The following RANBP2 variants were observed in gnomAD, a reference collection of about 807,000 sequenced individuals.
The protein encoded by RANBP2 is RAN binding protein 2.
In RANBP2, 57 loss-of-function variants were observed where a neutral mutation model predicts 303.6. The ratio of observed to expected loss-of-function variants is 0.19; its 90% confidence interval spans 0.15 to 0.23. The LOEUF (loss-of-function observed/expected upper bound fraction) is 0.23. Ranked by LOEUF, RANBP2 falls within the 10% of genes least tolerant of loss-of-function variation. The probability of loss-of-function intolerance (pLI) is 1.00; values close to 1 mark genes in which losing one functional copy is unlikely to be tolerated. For synonymous variants in RANBP2, 1,167 were observed against 1,301.5 expected, an observed-to-expected ratio of 0.90 and a Z score of 2.23; for missense variants, 3,138 against 3,780.8, an observed-to-expected ratio of 0.83 and a Z score of 4.46.
the RANBP2 span, chr2:108,798,301 A>G: frequency 3.3e-6 from 3 of 899,090 alleles, no homozygotes; most frequent in Non-Finnish European, 5.1e-6. Flanking sequence ...ACTGTAATCC[A>G]GATTGTCCTT....
At chr2:109,614,802 G>A in the RANBP2 span, 1 of 1,466,626 alleles carries the variant, frequency 6.8e-7, no homozygotes, top group Admixed American at 2.5e-5. Context: ...CGAGCCCGAG[G>A]CCCCCGACGG....
chr2:109,449,445 C>T, the RANBP2 span: 2 of 1,613,994 alleles, frequency 1.2e-6, no homozygotes, highest in Non-Finnish European at 1.7e-6. Context: ...CACATCCAGC[C>T]CCACCAACAC....
At chr2:109,007,037 G>C in the RANBP2 span, among the ~76,000 whole-genome samples, 1 of 152,188 alleles carries the variant, frequency 6.6e-6, no homozygotes, top group East Asian at 1.9e-4. Context: ...CAAAAATACA[G>C]AAGACTCTGT....
At chr2:109,544,290 G>A in the RANBP2 span, 15 of 1,610,132 alleles carry the variant, frequency 9.3e-6, 1 homozygote, top group South Asian at 1.6e-4. Flanking sequence ...ATGACCTTCT[G>A]TGCTCTGGAA....
the RANBP2 span, among the ~76,000 whole-genome samples, chr2:109,032,189 T>G: frequency 1.3e-5 from 2 of 152,150 alleles, no homozygotes; most frequent in African/African-American, 2.4e-5. Flanking sequence ...TCATAGATCT[T>G]TGGAGATTTC....
the RANBP2 span, among the ~76,000 whole-genome samples, chr2:109,066,914 G>C: frequency 6.6e-6 from 1 of 152,140 alleles, no homozygotes; most frequent in Non-Finnish European, 1.5e-5. Context: ...TGTCCAGGGT[G>C]CTCTGACAAC....
At chr2:109,551,998 C>T in the RANBP2 span, among the ~76,000 whole-genome samples, 22 of 152,316 alleles carry the variant, frequency 1.4e-4, no homozygotes, top group African/African-American at 5.1e-4. Flanking sequence ...CTGGGCTACA[C>T]AGTATAAGGT....
At chr2:109,012,024 A>G in the RANBP2 span, among the ~76,000 whole-genome samples, 9 of 151,878 alleles carry the variant, frequency 5.9e-5, no homozygotes, top group African/African-American at 2.2e-4. Context: ...CTGTTTTTCG[A>G]TTCGTCTGTT....
rs1410658120 is a variant in RANBP2, at chr2:108,751,956, G to A, written c.1717G>A (p.Ala573Thr). 1 of 1,611,900 alleles carries A rather than the reference G, an allele frequency of 6.2e-7. No individual in the cohort carries two copies. Among genetic ancestry groups the A allele is most frequent in the African/African-American group, 1.3e-5 (1 of 74,948 alleles). The stretch of plus-strand genomic sequence containing the variant: ...CCAGGAAAAACATGGCCTTCAACCT[G>A]CTCTGCTTGTACATTGGGCAGAATG... ...RAQEKHGLQP[A>T]LLVHWAECLQ... The change falls in exon 12 of 29, where the codon GCT (alanine) becomes ACT (threonine). Residue 573 changes from alanine to threonine, a missense_variant. Physicochemically the swap from Ala to Thr is moderately conservative, Grantham distance 58. Transcript: ENST00000283195.
At chr2:109,614,339 G>A in the RANBP2 span, 4 of 688,088 alleles carry the variant, frequency 5.8e-6, no homozygotes, top group Admixed American at 4.6e-5. Context: ...GGCCCAGTGA[G>A]GCGGTGGCCG....
the RANBP2 span, among the ~76,000 whole-genome samples, chr2:109,362,395 G>C: frequency 6.6e-6 from 1 of 152,150 alleles, no homozygotes; most frequent in African/African-American, 2.4e-5. Context: ...TATTATGGAT[G>C]TCTAATTTAA....
At chr2:109,431,968 C>T in the RANBP2 span, among the ~76,000 whole-genome samples, 3 of 152,164 alleles carry the variant, frequency 2.0e-5, no homozygotes, top group Non-Finnish European at 4.4e-5. Context: ...TTAAAAAGGG[C>T]CTCTGAGGTC....
chr2:109,143,762 CAAAACAAA>C, the RANBP2 span, among the ~76,000 whole-genome samples: 1 of 117,988 alleles, frequency 8.5e-6, no homozygotes, highest in Non-Finnish European at 2.1e-5. Context: ...TGAAACAAAA[CAAAACAAA>C]CAAACAAACA....
the RANBP2 span, among the ~76,000 whole-genome samples, chr2:109,037,188 G>A: frequency 4.0e-5 from 6 of 151,756 alleles, no homozygotes; most frequent in Non-Finnish European, 7.4e-5. Flanking sequence ...TAGCCAGAAA[G>A]GGTGGTGTGC....
the RANBP2 span, chr2:108,882,460 G>C: frequency 6.6e-6 from 1 of 152,288 alleles, no homozygotes; most frequent in Middle Eastern, 3.4e-3. Flanking sequence ...TTCTATGCTA[G>C]CAAAGGATTT....
the RANBP2 span, among the ~76,000 whole-genome samples, chr2:108,833,060 G>A: frequency 6.6e-5 from 10 of 152,160 alleles, no homozygotes; most frequent in Admixed American, 2.0e-4. Context: ...ATGACATTTT[G>A]GAAAAAGCAA....
chr2:108,795,181 ATC>A, the RANBP2 span, among the ~76,000 whole-genome samples: 71 of 99,696 alleles, frequency 7.1e-4, no homozygotes, highest in African/African-American at 2.5e-3. Flanking sequence ...TTGCGATGGA[ATC>A]TTGCTGTATC....
the RANBP2 span, among the ~76,000 whole-genome samples, chr2:109,621,441 T>G: frequency 1.4e-5 from 2 of 147,600 alleles, no homozygotes; most frequent in African/African-American, 5.0e-5. Flanking sequence ...TGTGAGCCAC[T>G]TTTTTTTTTA....
the RANBP2 span, among the ~76,000 whole-genome samples, chr2:109,488,469 G>A: frequency 1.3e-5 from 2 of 152,320 alleles, no homozygotes; most frequent in African/African-American, 2.4e-5. Flanking sequence ...CGGAGGGGCT[G>A]ACGGGCCCAG....
Sources: allele counts gnomAD v4.1 joint callset (sites outside exome capture counted in the v4.1 genomes callset), GRCh38; gene constraint gnomAD v4.1.1; transcripts MANE v1.5; gene names NCBI Gene and HGNC (gene_info 2026-07-23, HGNC 2026-07-21).